Variants in PINX1 observed in about 807,000 individuals in gnomAD.
PINX1 encodes PIN2/TERF1-interacting telomerase inhibitor 1.
In PINX1, 34 loss-of-function variants were observed where a neutral mutation model predicts 25.4. The observed-to-expected ratio is 1.34, with a 90% CI of 1.02 to 1.78. The LOEUF is 1.78. PINX1 is among the 40% of genes most tolerant of loss of function. The pLI, the probability that PINX1 is intolerant of heterozygous loss-of-function variation, is 0.00. For synonymous variants in PINX1, 197 were observed against 147.7 expected (o/e 1.33, Z -2.42); for missense variants, 592 against 404.9 (o/e 1.46, Z -3.97).
At chr8:10,775,616 T>A (rs1801367480) in intron 6 of PINX1, among the ~76,000 whole-genome samples, 1 of 152,168 alleles carries the variant, frequency 6.6e-6, no homozygotes, top group South Asian at 2.1e-4. Context: ...CTTTATCTTG[T>A]CTATGGACCA....
Position 10,765,534 on chromosome 8 carries a change from T to G in PINX1, c.854A>C (p.Glu285Ala). ...GGGCTTCAGGGTGAAGTCCCGGCCCTCAGGCGGCTGCACATGGTCCCCTGC... is the reference window on the plus strand; with the variant it reads ...GGGCTTCAGGGTGAAGTCCCGGCCCGCAGGCGGCTGCACATGGTCCCCTGC... ...QDAGDHVQPP[E>A]GRDFTLKPKK... The change falls in exon 7 of 7, where the codon GAG becomes GCG. Residue 285 changes from glutamate (E) to alanine (A), a missense_variant. Physicochemically the swap from Glu to Ala is moderately radical, Grantham distance 107. Transcript: ENST00000314787. 6.2e-7 allele frequency: 1 copy of G among 1,613,784 alleles called. No individual in the cohort carries two copies. The highest frequency in any genetic ancestry group is 8.5e-7 in the Non-Finnish European group (1 of 1,179,904).
intron 6 of PINX1, among the ~76,000 whole-genome samples, chr8:10,800,588 G>C (rs969163147): frequency 6.6e-6 from 1 of 151,574 alleles, no homozygotes; most frequent in South Asian, 2.1e-4. Context: ...TCCTACCTCA[G>C]CCTCCTGAAT....
intron 5 of PINX1, chr8:10,821,875 G>C (rs954286989): frequency 1.3e-5 from 2 of 152,248 alleles, no homozygotes; most frequent in African/African-American, 4.8e-5. Flanking sequence ...GATTAAGGAA[G>C]AGAGGGTACA....
chr8:10,780,408 G>C (rs965956685), intron 6 of PINX1, among the ~76,000 whole-genome samples: 1 of 152,060 alleles, frequency 6.6e-6, no homozygotes, highest in Non-Finnish European at 1.5e-5. Context: ...CTAAATTGTT[G>C]AGAGTTTTTA....
intron 1 of PINX1, among the ~76,000 whole-genome samples, chr8:10,837,834 G>C (rs1247331282): frequency 6.6e-6 from 1 of 152,198 alleles, no homozygotes; most frequent in African/African-American, 2.4e-5. Context: ...AGGTTGATCA[G>C]AAGGAGAGTA....
intron 6 of PINX1, among the ~76,000 whole-genome samples, chr8:10,769,125 T>C (rs2163380): frequency 2.0e-5 from 3 of 152,310 alleles, no homozygotes; most frequent in African/African-American, 7.2e-5. Context: ...CCATATAAAA[T>C]ACTACCAAGA....
chr8:10,833,029 T>C (rs752909986), intron 2 of PINX1, 45 bp from the exon 3 acceptor site: 34 of 1,239,314 alleles, frequency 2.7e-5, no homozygotes, highest in Non-Finnish European at 3.6e-5. Flanking sequence ...CTCTCACTGA[T>C]ACTCAGAAGC....
At chr8:10,786,380 G>A (rs923268137) in intron 6 of PINX1, among the ~76,000 whole-genome samples, 1 of 152,154 alleles carries the variant, frequency 6.6e-6, no homozygotes, top group Non-Finnish European at 1.5e-5. Context: ...TTGGTAAACA[G>A]GGGAATGGTG....
intron 6 of PINX1, among the ~76,000 whole-genome samples, chr8:10,806,838 C>G (rs2129081753): frequency 6.6e-6 from 1 of 152,242 alleles, no homozygotes; most frequent in Middle Eastern, 3.4e-3. Flanking sequence ...ACTAGTCCAC[C>G]AGAGCCCACG....
intron 6 of PINX1, among the ~76,000 whole-genome samples, chr8:10,774,570 C>T (rs577178150): frequency 1.8e-4 from 27 of 152,122 alleles, no homozygotes; most frequent in Non-Finnish European, 3.2e-4. Flanking sequence ...CGTGAGCCAC[C>T]GTGCCCAGCC....
At chr8:10,824,513 A>G (rs924111060) in intron 5 of PINX1, among the ~76,000 whole-genome samples, 2 of 152,020 alleles carry the variant, frequency 1.3e-5, no homozygotes, top group African/African-American at 2.4e-5. Flanking sequence ...TAGATACAGA[A>G]CCCTCGCTGG....
chr8:10,839,863 G>T lies in PINX1; in HGVS notation c.-107C>A. The stretch of plus-strand genomic sequence containing the variant: ...GACGTGCGTAACTCCCTCGCCGGCG[G>T]ACTGCAGCGGACGGGGCGCGTGCTG... On this transcript the variant is annotated 5_prime_UTR_variant, in exon 1 of 7. Transcript: ENST00000314787. 1 of 1,081,796 alleles carries T rather than the reference G, an allele frequency of 9.2e-7. No individual in the cohort carries two copies. The highest frequency in any genetic ancestry group is 1.3e-6 in the Non-Finnish European group (1 of 753,390). The allele number at this position is 1,081,796 out of a possible 1,614,324, so 67.0% of individuals were successfully genotyped here.
intron 2 of PINX1, chr8:10,833,775 G>C (rs192998718): frequency 6.1e-6 from 1 of 164,772 alleles, no homozygotes; most frequent in East Asian, 1.9e-4. Context: ...GAAAAACGAC[G>C]ACTGGGCTGC....
intron 6 of PINX1, among the ~76,000 whole-genome samples, chr8:10,806,808 G>A (rs1363512212): frequency 1.3e-5 from 2 of 152,256 alleles, no homozygotes; most frequent in African/African-American, 2.4e-5. Flanking sequence ...GGAGGCCAGG[G>A]CATGTAGGAG....
In PINX1 at chr8:10,777,909, C is replaced by T. The variant is rs555716701; in HGVS notation, c.472-11993G>A. On this transcript the variant is annotated intron_variant, in intron 6 of 6. Coordinates refer to ENST00000314787, the MANE Select transcript of PINX1 (RefSeq NM_017884.6). Reference sequence around the variant, plus strand: ...GCAGAGCGGGTGCCTTCCACAGGCACGCAAGCCTCTATCTGCACACCCAGC... The same window carrying T: ...GCAGAGCGGGTGCCTTCCACAGGCATGCAAGCCTCTATCTGCACACCCAGC... Among the ~76,000 whole-genome samples, 6 of 152,280 alleles carry T rather than the reference C, an allele frequency of 3.9e-5. No homozygotes were observed. The East Asian group carries it at 5.8e-4, about 15-fold the overall frequency.
rs369049257 is a variant in PINX1, at chr8:10,808,638, C to T, written c.471+11555G>A. Among the ~76,000 whole-genome samples the T allele has an allele frequency of 1.6e-3, 240 of 152,300 alleles. 2 individuals carry two copies. The highest frequency in any genetic ancestry group is 5.4e-3 in the African/African-American group (224 of 41,558). On this transcript the variant is annotated intron_variant, in intron 6 of 6. Coordinates refer to ENST00000314787, the MANE Select transcript of PINX1 (RefSeq NM_017884.6). The stretch of plus-strand genomic sequence containing the variant: ...GTGTCCAGTAGCGCAGTGCTAGCAA[C>T]TGATAGAGCCAAGATTTTAACTCAC...
chr8:10,793,803 A>T (rs1255846367), intron 6 of PINX1, among the ~76,000 whole-genome samples: 1 of 152,268 alleles, frequency 6.6e-6, no homozygotes, highest in African/African-American at 2.4e-5. Flanking sequence ...AATACACTTA[A>T]TGCTGTTGTA....
At chr8:10,807,333 C>G (rs1354091031) in intron 6 of PINX1, among the ~76,000 whole-genome samples, 4 of 98,246 alleles carry the variant, frequency 4.1e-5, no homozygotes, top group African/African-American at 1.6e-4. Context: ...CCCCACCCCC[C>G]CCCCCACCAA....
rs181918590 is a variant in PINX1 at position 10,817,725 on chromosome 8, C to T, written c.471+2468G>A. Among the ~76,000 whole-genome samples the T allele has an allele frequency of 4.6e-4, 70 of 152,270 alleles. No homozygotes were observed. In the South Asian group the frequency reaches 6.4e-3, roughly 14 times the overall value. Reference sequence around the variant, plus strand: ...TGGGGATGTACAGGCTCTCAGCCCCCGCCCAGGCTTCCTGAGTTGGAATCT... The same window carrying T: ...TGGGGATGTACAGGCTCTCAGCCCCTGCCCAGGCTTCCTGAGTTGGAATCT... On this transcript the variant is annotated intron_variant, in intron 6 of 6. Coordinates refer to ENST00000314787, the MANE Select transcript of PINX1 (RefSeq NM_017884.6).
Sources: gnomAD v4.1 joint callset for allele counts (sites outside exome capture counted in the v4.1 genomes callset) on GRCh38, gnomAD v4.1.1 for gene constraint, MANE v1.5 for transcripts, NCBI Gene and HGNC (gene_info 2026-07-23, HGNC 2026-07-21) for gene names.